B4GALT4: variants seen among roughly 807,000 people sequenced by gnomAD.
B4GALT4 encodes the protein N-acetyllactosamine synthase.
In B4GALT4, 27 loss-of-function variants were observed where a neutral mutation model predicts 37.3. That is an observed-to-expected ratio of 0.72 (90% CI 0.53 to 1.00). The LOEUF (loss-of-function observed/expected upper bound fraction) is 1.00, where lower values mean the gene tolerates loss of function less well. B4GALT4 is among the 50% of genes least tolerant of loss of function. The probability of loss-of-function intolerance (pLI) is 0.00; values close to 1 mark genes in which losing one functional copy is unlikely to be tolerated. For missense variants in B4GALT4, 372 were observed against 413.1 expected (o/e 0.90, Z 0.86); for synonymous variants, 148 against 154.1 (o/e 0.96, Z 0.29).
chr3:119,239,572 C>T (rs1014125815), intron 1 of B4GALT4, among the ~76,000 whole-genome samples: 7 of 152,170 alleles, frequency 4.6e-5, no homozygotes, highest in Non-Finnish European at 1.0e-4. Flanking sequence ...ATACTAAATA[C>T]TTATTATATT....
At position 119,220,985 on chromosome 3, in the gene B4GALT4, CAAAA is replaced by C. The variant is rs371366842; in HGVS notation, c.675-2217_675-2214del. Among the ~76,000 whole-genome samples, 20 of 108,294 alleles carry C rather than the reference CAAAA, an allele frequency of 1.8e-4. No homozygotes were observed. The South Asian group carries it at 3.3e-3, about 18-fold the overall frequency. 71.0% of individuals were successfully genotyped at this position (108,294 alleles called of 152,430 possible). ...TGGGCAACAGAGTGAGACTCTGTCTCAAAAAAAAAAAAAAAGGAACTGTTTCTCA... is the reference window on the plus strand; with the variant it reads ...TGGGCAACAGAGTGAGACTCTGTCTCAAAAAAAAAAAGGAACTGTTTCTCA... On this transcript the variant is annotated intron_variant, in intron 5 of 7. Coordinates refer to ENST00000393765, the MANE Select transcript of B4GALT4 (RefSeq NM_003778.4).
At chr3:119,232,860 G>C (rs1028644606) in intron 2 of B4GALT4, 3 of 152,040 alleles carry the variant, frequency 2.0e-5, no homozygotes, top group African/African-American at 7.2e-5. Context: ...CCAGGCTAGA[G>C]TGCCGTGGCA....
intron 1 of B4GALT4, among the ~76,000 whole-genome samples, chr3:119,238,550 G>A (rs1245114323): frequency 6.6e-6 from 1 of 152,096 alleles, no homozygotes; most frequent in Non-Finnish European, 1.5e-5. Context: ...AAAAAATACG[G>A]TAAGATATTT....
intron 3 of B4GALT4, among the ~76,000 whole-genome samples, chr3:119,229,191 A>G (rs1357797401): frequency 6.6e-6 from 1 of 152,222 alleles, no homozygotes; most frequent in Non-Finnish European, 1.5e-5. Context: ...TTCTCCTCTC[A>G]TGCTCTGGTG....
intron 2 of B4GALT4, among the ~76,000 whole-genome samples, chr3:119,231,672 A>AT (rs1165221277): frequency 2.0e-5 from 3 of 148,928 alleles, no homozygotes; most frequent in African/African-American, 7.3e-5. Context: ...GGGGTGGTTT[A>AT]TTTTTTCTCT....
intron 5 of B4GALT4, among the ~76,000 whole-genome samples, chr3:119,219,540 A>G (rs942812033): frequency 1.3e-5 from 2 of 152,282 alleles, no homozygotes; most frequent in African/African-American, 4.8e-5. Flanking sequence ...GAACGACTAC[A>G]GATATGGCTT....
Position 119,216,259 on chromosome 3 carries a change from T to G in B4GALT4, c.883A>C (p.Asn295His). The change falls in exon 7 of 8, where the codon AAT (asparagine) becomes CAT (histidine). Residue 295 changes from asparagine (N) to histidine (H), a missense_variant. By Grantham distance (68) the Asn-to-His change is moderately conservative. Coordinates refer to ENST00000393765, the MANE Select transcript of B4GALT4 (RefSeq NM_003778.4). ...TMVFHTRDKGNEVNAERMKLL... is the reference protein window; with the variant it reads ...TMVFHTRDKGHEVNAERMKLL... ...ACTTACCGTTCTGCGTTCACCTCAT[T>G]GCCTTTGTCTCTAGTGTGGAAGACC... 4.3e-6 allele frequency: 7 copies of G among 1,613,506 alleles called. No homozygotes were observed. Among genetic ancestry groups the G allele is most frequent in the Non-Finnish European group, 5.9e-6 (7 of 1,179,680 alleles).
chr3:119,226,898 T>C lies in B4GALT4; in HGVS notation c.397A>G (p.Arg133Gly), dbSNP rs1480876239. The C allele has an allele frequency of 6.2e-7, 1 of 1,614,108 alleles. No individual in the cohort carries two copies. The highest frequency in any genetic ancestry group is 8.5e-7 in the Non-Finnish European group (1 of 1,180,042). Residue 133 changes from arginine to glycine, a missense_variant, in exon 4 of 8, where the codon AGA becomes GGA. By Grantham distance (125) the Arg-to-Gly change is moderately radical. Transcript: ENST00000393765. The stretch of plus-strand genomic sequence containing the variant: ...AGCAGGTACATCAGGTGTTTCTCTC[T>C]GTTCCGGTGGGGAACGAGGATGGCG... ...RVAILVPHRN[R>G]EKHLMYLLEH...
At chr3:119,231,123 T>C (rs2078800398) in intron 2 of B4GALT4, among the ~76,000 whole-genome samples, 1 of 152,234 alleles carries the variant, frequency 6.6e-6, no homozygotes. Flanking sequence ...TTGTACTGTA[T>C]TTCTCACTGT....
chr3:119,219,476 AC>A (rs2078387570), intron 5 of B4GALT4, among the ~76,000 whole-genome samples: 1 of 152,248 alleles, frequency 6.6e-6, no homozygotes, highest in African/African-American at 2.4e-5. Flanking sequence ...TTTTAGATAC[AC>A]CTGGGGCTTT....
intron 5 of B4GALT4, among the ~76,000 whole-genome samples, chr3:119,220,843 G>A (rs1223162292): frequency 6.6e-6 from 1 of 152,148 alleles, no homozygotes; most frequent in Non-Finnish European, 1.5e-5. Context: ...AAAATTAGCT[G>A]GGCGTGGTGG....
chr3:119,225,352 C>T (rs567427925), intron 4 of B4GALT4, among the ~76,000 whole-genome samples: 30 of 152,242 alleles, frequency 2.0e-4, no homozygotes, highest in Middle Eastern at 3.4e-3. Context: ...ACAATGTTTT[C>T]CTGATAAGAA....
intron 3 of B4GALT4, among the ~76,000 whole-genome samples, chr3:119,228,777 G>A (rs2078708851): frequency 7.7e-6 from 1 of 129,940 alleles, no homozygotes; most frequent in Admixed American, 7.3e-5. Flanking sequence ...ACTAGGTTTA[G>A]ATGAGATCAT....
Position 119,230,063 on chromosome 3 carries a change from A to G in B4GALT4, c.37T>C (p.Phe13Leu), listed in dbSNP as rs1288006313. ...AAAGTCAACAGCAACAGTAATCGGA[A>G]TTTGTAGGAAAGGTGGAAAGTCAGG... ...FNLTFHLSYK[F>L]RLLLLLTLCL... The change falls in exon 3 of 8, where the codon TTC becomes CTC. Residue 13 changes from phenylalanine (F) to leucine (L), a missense_variant. Coordinates refer to ENST00000393765, the MANE Select transcript of B4GALT4 (RefSeq NM_003778.4). 9.9e-6 allele frequency: 16 copies of G among 1,614,196 alleles called. No individual in the cohort carries two copies. The highest frequency in any genetic ancestry group is 1.3e-5 in the Non-Finnish European group (15 of 1,180,022).
chr3:119,226,199 A>G (rs1171810712), intron 4 of B4GALT4, among the ~76,000 whole-genome samples: 1 of 152,154 alleles, frequency 6.6e-6, no homozygotes, highest in African/African-American at 2.4e-5. Flanking sequence ...CATCCACTCC[A>G]CTGACCTCAG....
At chr3:119,228,581 G>A (rs2078700030) in intron 3 of B4GALT4, among the ~76,000 whole-genome samples, 1 of 152,232 alleles carries the variant, frequency 6.6e-6, no homozygotes, top group South Asian at 2.1e-4. Context: ...TGTATAATCT[G>A]TGAAGGAATA....
intron 3 of B4GALT4, 86 bp from the exon 4 acceptor site, chr3:119,227,127 C>CACT: frequency 8.8e-7 from 1 of 1,142,646 alleles, no homozygotes; most frequent in Non-Finnish European, 1.3e-6. Flanking sequence ...ATAGAAAGAA[C>CACT]ACTGCCCAGC....
rs1183198220 is a variant in B4GALT4, at chr3:119,212,133, TA to T, written c.*415del. The T allele has an allele frequency of 2.8e-6, 2 of 702,946 alleles. No individual in the cohort carries two copies. The highest frequency in any genetic ancestry group is 1.7e-5 in the African/African-American group (1 of 57,272). 43.5% of individuals were successfully genotyped at this position (702,946 alleles called of 1,614,324 possible). ...AATGAATAACAGTATTGTATCTTCGTACCTTTCTACCTTGGACGAGAACAAC... is the reference window on the plus strand; with the variant it reads ...AATGAATAACAGTATTGTATCTTCGTCCTTTCTACCTTGGACGAGAACAAC... On this transcript the variant is annotated 3_prime_UTR_variant, in exon 8 of 8. Transcript: ENST00000393765.
intron 1 of B4GALT4, among the ~76,000 whole-genome samples, chr3:119,239,375 A>C (rs980169494): frequency 2.6e-5 from 4 of 151,924 alleles, no homozygotes; most frequent in African/African-American, 9.7e-5. Context: ...GGTAACTCTG[A>C]GTCACACAGC....
Sources: gnomAD v4.1 joint callset for allele counts (sites outside exome capture counted in the v4.1 genomes callset) on GRCh38, gnomAD v4.1.1 for gene constraint, MANE v1.5 for transcripts, NCBI Gene and HGNC (gene_info 2026-07-23, HGNC 2026-07-21) for gene names.